TLK1: variants seen among roughly 807,000 people sequenced by gnomAD.
TLK1 encodes serine/threonine-protein kinase tousled-like 1.
TLK1 carries 24 observed loss-of-function variants against 105.3 expected under a neutral mutation model. The observed-to-expected ratio is 0.23, with a 90% CI of 0.17 to 0.32. TLK1 has a LOEUF of 0.32. Ranked by LOEUF, TLK1 falls within the 10% of genes least tolerant of loss-of-function variation. The pLI, the probability that TLK1 is intolerant of heterozygous loss-of-function variation, is 1.00. For synonymous variants in TLK1, 321 were observed against 310.4 expected (o/e 1.03, Z -0.36); for missense variants, 558 against 910.5 (o/e 0.61, Z 4.98).
chr2:171,097,817 C>T (rs758874241), intron 2 of TLK1, among the ~76,000 whole-genome samples: 9 of 151,860 alleles, frequency 5.9e-5, no homozygotes, highest in African/African-American at 1.5e-4. Flanking sequence ...CCCTGCTACT[C>T]GGGAGGCTCA....
chr2:171,124,926 C>G (rs771642696), intron 1 of TLK1, among the ~76,000 whole-genome samples: 11 of 152,216 alleles, frequency 7.2e-5, no homozygotes, highest in Admixed American at 3.3e-4. Flanking sequence ...GCCGGCTCAT[C>G]AAGAGCCGAG....
At chr2:171,212,791 C>G (rs1693642890) in intron 1 of TLK1, among the ~76,000 whole-genome samples, 1 of 152,022 alleles carries the variant, frequency 6.6e-6, no homozygotes, top group African/African-American at 2.4e-5. Flanking sequence ...AATCAGGGGT[C>G]TTTAGCAAGA....
chr2:171,017,518 G>A (rs936139284), intron 12 of TLK1, among the ~76,000 whole-genome samples: 1 of 152,144 alleles, frequency 6.6e-6, no homozygotes, highest in Admixed American at 6.5e-5. Flanking sequence ...TCATAAATAA[G>A]TAAGATTCAA....
chr2:171,194,603 G>A lies in TLK1; in HGVS notation c.-6+36542C>T, dbSNP rs192283908. Among the ~76,000 whole-genome samples the A allele has an allele frequency of 2.7e-3, 406 of 152,218 alleles. 4 individuals are homozygous for A. The highest frequency in any genetic ancestry group is 4.8e-3 in the Non-Finnish European group (326 of 68,002). ...GAGGCCGAGGCGGGCGGATCACGAGGTCAGGAGATCGAGACCATCCTGGCT... is the reference window on the plus strand; with the variant it reads ...GAGGCCGAGGCGGGCGGATCACGAGATCAGGAGATCGAGACCATCCTGGCT... On this transcript the variant is annotated intron_variant, in intron 1 of 20. Transcript: ENST00000521943.
chr2:171,053,345 C>A (rs1350035944), intron 8 of TLK1, among the ~76,000 whole-genome samples: 1 of 151,756 alleles, frequency 6.6e-6, no homozygotes, highest in Non-Finnish European at 1.5e-5. Flanking sequence ...ACAGAAAAAG[C>A]TTATTGAGTT....
At position 170,993,726 on chromosome 2, in the gene TLK1, T is replaced by G; in HGVS notation, c.*54A>C. 7.6e-7 allele frequency: 1 copy of G among 1,315,348 alleles called. No homozygotes were observed. The highest frequency in any genetic ancestry group is 2.8e-5 in the East Asian group (1 of 35,266). 81.5% of individuals were successfully genotyped at this position (1,315,348 alleles called of 1,614,324 possible). ...ACAAACACTCAAATGCTCTCAAACT[T>G]AAGTGTGCATCTGGAAGCAAATTCA... On this transcript the variant is annotated 3_prime_UTR_variant, in exon 21 of 21. Transcript: ENST00000431350.
chr2:171,078,194 T>C (rs768821219), intron 3 of TLK1, among the ~76,000 whole-genome samples: 3 of 152,140 alleles, frequency 2.0e-5, no homozygotes, highest in Non-Finnish European at 2.9e-5. Flanking sequence ...TCCCTTTCCT[T>C]CTTTATGCTA....
At chr2:171,202,687 G>A (rs1223785856) in intron 1 of TLK1, among the ~76,000 whole-genome samples, 1 of 152,136 alleles carries the variant, frequency 6.6e-6, no homozygotes, top group Non-Finnish European at 1.5e-5. Context: ...AATCGGGGAG[G>A]CAGAAGTTGC....
intron 1 of TLK1, among the ~76,000 whole-genome samples, chr2:171,211,630 G>A (rs4668372): frequency 0.19 from 28,524 of 151,286 alleles, 2,828 homozygotes; most frequent in South Asian, 0.3. Context: ...GTTCACTGCA[G>A]CATCCGCCTC....
At chr2:171,022,114 C>CACACACACACAG (rs1335485226) in intron 12 of TLK1, among the ~76,000 whole-genome samples, 2 of 151,684 alleles carry the variant, frequency 1.3e-5, no homozygotes, top group Non-Finnish European at 2.9e-5. Flanking sequence ...CACACACACA[C>CACACACACACAG]ACACACACAC....
intron 20 of TLK1, among the ~76,000 whole-genome samples, chr2:170,995,036 A>T (rs1683986999): frequency 6.6e-6 from 1 of 152,220 alleles, no homozygotes; most frequent in African/African-American, 2.4e-5. Flanking sequence ...CTAAAAATAT[A>T]CCTAGCTATT....
intron 1 of TLK1, among the ~76,000 whole-genome samples, chr2:171,180,521 T>A (rs1381486923): frequency 6.6e-6 from 1 of 152,222 alleles, no homozygotes; most frequent in Non-Finnish European, 1.5e-5. Context: ...CCTTTTACAC[T>A]GATGACTATT....
Position 171,014,370 on chromosome 2 carries a change from T to TC in TLK1, c.1334+480_1334+481insG, listed in dbSNP as rs1305666134. The stretch of plus-strand genomic sequence containing the variant: ...AGAGGAAATGAAGAAGCAGAGACTT[T>TC]TTTTTTTTTTAAAGAAATGGGGGTC... On this transcript the variant is annotated intron_variant, in intron 13 of 20. Coordinates refer to ENST00000431350, the MANE Select transcript of TLK1 (RefSeq NM_012290.5). 3.9e-3 allele frequency among the ~76,000 whole-genome samples: 598 copies of TC among 151,936 alleles called. 3 individuals are homozygous for TC. Among genetic ancestry groups the TC allele is most frequent in the Middle Eastern group, 0.014 (4 of 294 alleles).
intron 1 of TLK1, among the ~76,000 whole-genome samples, chr2:171,226,510 A>C (rs1458773321): frequency 6.6e-6 from 1 of 152,218 alleles, no homozygotes; most frequent in Non-Finnish European, 1.5e-5. Context: ...CTTCATGAGA[A>C]TATGAGGACT....
intron 3 of TLK1, chr2:171,081,743 A>AT (rs1194790979): frequency 7.8e-7 from 1 of 1,287,790 alleles, no homozygotes; most frequent in African/African-American, 1.5e-5. Context: ...TGAGAGCCCT[A>AT]TGCCATACTC....
intron 3 of TLK1, among the ~76,000 whole-genome samples, chr2:171,066,005 T>G (rs1287180339): frequency 6.6e-6 from 1 of 152,232 alleles, no homozygotes; most frequent in Non-Finnish European, 1.5e-5. Context: ...AGGAAAATGT[T>G]TGCTGCTTTG....
At chr2:171,207,897 T>C (rs1693536221) in intron 1 of TLK1, among the ~76,000 whole-genome samples, 1 of 152,024 alleles carries the variant, frequency 6.6e-6, no homozygotes, top group South Asian at 2.1e-4. Context: ...AACTAATTTT[T>C]TGTATTTTTA....
rs1477709393 is a variant in TLK1, at chr2:170,993,145, G to A, written c.*635C>T. On this transcript the variant is annotated 3_prime_UTR_variant, in exon 21 of 21. Coordinates refer to ENST00000431350, the MANE Select transcript of TLK1 (RefSeq NM_012290.5). ...AATAGCTCTCCCTTTAATATAACCA[G>A]TGAAAGAAAACGGACATGTGATCTC... 1 of 152,624 alleles carries A rather than the reference G, an allele frequency of 6.6e-6. No homozygotes were observed. Among genetic ancestry groups the A allele is most frequent in the East Asian group, 1.9e-4 (1 of 5,204 alleles). 9.5% of individuals were successfully genotyped at this position (152,624 alleles called of 1,614,324 possible).
At chr2:171,171,456 C>T (rs1345694759) in intron 1 of TLK1, among the ~76,000 whole-genome samples, 1 of 138,946 alleles carries the variant, frequency 7.2e-6, no homozygotes, top group African/African-American at 2.7e-5. Context: ...ATTGAAAGTT[C>T]AAGATCAGTC....
Sources: gnomAD v4.1 joint callset for allele counts (sites outside exome capture counted in the v4.1 genomes callset) on GRCh38, gnomAD v4.1.1 for gene constraint, MANE v1.5 for transcripts, NCBI Gene and HGNC (gene_info 2026-07-23, HGNC 2026-07-21) for gene names.